The following PPP2R5E variants were observed in gnomAD, a reference collection of about 807,000 sequenced individuals.
PPP2R5E encodes the protein serine/threonine-protein phosphatase 2A 56 kDa regulatory subunit epsilon isoform.
A neutral mutation model predicts 65.3 loss-of-function variants in PPP2R5E; 4 were observed. The ratio of observed to expected loss-of-function variants is 0.06; its 90% CI spans 0.03 to 0.14. The LOEUF is 0.14. Among genes scored for constraint, PPP2R5E ranks in the 10% least tolerant of loss-of-function variants. PPP2R5E has a pLI of 1.00. For synonymous variants in PPP2R5E, 183 were observed against 187.4 expected, an observed-to-expected ratio of 0.98 and a Z score of 0.19; for missense variants, 274 against 556.1, an observed-to-expected ratio of 0.49 and a Z score of 5.10.
At chr14:63,524,201 T>G (rs1426929693) in intron 2 of PPP2R5E, among the ~76,000 whole-genome samples, 1 of 152,230 alleles carries the variant, frequency 6.6e-6, no homozygotes, top group African/African-American at 2.4e-5. Context: ...TAAATTAAAA[T>G]TTAACGTCAC....
chr14:63,430,294 ACT>A, intron 3 of PPP2R5E, among the ~76,000 whole-genome samples: 1 of 152,030 alleles, frequency 6.6e-6, no homozygotes, highest in Admixed American at 6.6e-5. Context: ...CGGGAGGATC[ACT>A]TGTGGCTAGG....
chr14:63,541,307 TG>T (rs749898952), intron 1 of PPP2R5E, among the ~76,000 whole-genome samples: 5 of 152,236 alleles, frequency 3.3e-5, no homozygotes, highest in Non-Finnish European at 5.9e-5. Flanking sequence ...AAAGTTGAAC[TG>T]AAAACATAAA....
intron 2 of PPP2R5E, among the ~76,000 whole-genome samples, chr14:63,486,293 TACACACACACACAC>T (rs374427574): frequency 7.8e-6 from 1 of 127,956 alleles, no homozygotes; most frequent in Admixed American, 7.8e-5. Context: ...CTTTCCCCAT[TACACACACACACAC>T]ACACACACAC....
chr14:63,456,308 T>C (rs17101183), intron 2 of PPP2R5E, among the ~76,000 whole-genome samples: 1 of 152,194 alleles, frequency 6.6e-6, no homozygotes, highest in African/African-American at 2.4e-5. Context: ...ACTGCAATAG[T>C]ACTCAAGAGA....
chr14:63,482,474 CAAA>C (rs895861399), intron 2 of PPP2R5E, among the ~76,000 whole-genome samples: 2 of 151,416 alleles, frequency 1.3e-5, no homozygotes, highest in African/African-American at 2.4e-5. Flanking sequence ...ACAACAACAA[CAAA>C]AAAAAACTGT....
intron 2 of PPP2R5E, among the ~76,000 whole-genome samples, chr14:63,535,300 C>T (rs965741310): frequency 2.0e-5 from 3 of 151,888 alleles, no homozygotes; most frequent in African/African-American, 7.3e-5. Context: ...TGGGCACCTG[C>T]AATCCCAGCT....
At chr14:63,417,792 G>T (rs933676336) in intron 4 of PPP2R5E, among the ~76,000 whole-genome samples, 1 of 152,090 alleles carries the variant, frequency 6.6e-6, no homozygotes, top group Non-Finnish European at 1.5e-5. Flanking sequence ...TCTCGTTAAG[G>T]TAGCAGCAAT....
rs1483541093 is a variant in PPP2R5E, at chr14:63,493,627, C to T, written c.158-39742G>A. ...GCTGCTTACACTGTATCCAGTGTGACAAACTGTACTCAAGCTGTTAGTTTT... is the reference window on the plus strand; with the variant it reads ...GCTGCTTACACTGTATCCAGTGTGATAAACTGTACTCAAGCTGTTAGTTTT... On this transcript the variant is annotated intron_variant, in intron 2 of 13. Coordinates refer to ENST00000337537, the MANE Select transcript of PPP2R5E (RefSeq NM_006246.5). 2.0e-5 allele frequency among the ~76,000 whole-genome samples: 3 copies of T among 149,896 alleles called. 1 individual carries two copies. The highest frequency in any genetic ancestry group is 6.6e-5 in the Admixed American group (1 of 15,176).
At chr14:63,476,875 G>A (rs1323480664) in intron 2 of PPP2R5E, among the ~76,000 whole-genome samples, 1 of 152,138 alleles carries the variant, frequency 6.6e-6, no homozygotes, top group African/African-American at 2.4e-5. Context: ...TACCTGACTA[G>A]TGTCCACTAA....
intron 2 of PPP2R5E, among the ~76,000 whole-genome samples, chr14:63,535,829 G>C (rs761182156): frequency 1.2e-4 from 18 of 152,056 alleles, no homozygotes; most frequent in Non-Finnish European, 2.2e-4. Flanking sequence ...ACTACCCTTA[G>C]CATGCATATA....
chr14:63,394,343 C>T (rs1885207729), intron 7 of PPP2R5E, among the ~76,000 whole-genome samples: 1 of 152,060 alleles, frequency 6.6e-6, no homozygotes, highest in Non-Finnish European at 1.5e-5. Context: ...CCTTGGCCTC[C>T]CAAAGTGCTG....
At chr14:63,517,803 C>T (rs1892724780) in intron 2 of PPP2R5E, among the ~76,000 whole-genome samples, 1 of 152,104 alleles carries the variant, frequency 6.6e-6, no homozygotes, top group Non-Finnish European at 1.5e-5. Flanking sequence ...ACCATAACAC[C>T]ACCGATGTTA....
intron 2 of PPP2R5E, among the ~76,000 whole-genome samples, chr14:63,536,770 C>CA (rs1893681249): frequency 6.6e-6 from 1 of 152,092 alleles, no homozygotes; most frequent in African/African-American, 2.4e-5. Flanking sequence ...AAGCCAGTCA[C>CA]AAAAAGACAA....
intron 3 of PPP2R5E, among the ~76,000 whole-genome samples, chr14:63,436,012 A>T (rs2139415216): frequency 6.6e-6 from 1 of 152,326 alleles, no homozygotes; most frequent in South Asian, 2.1e-4. Flanking sequence ...CTGTGTATAA[A>T]TCAGTGCAGG....
At chr14:63,490,311 C>T (rs906207144) in intron 2 of PPP2R5E, among the ~76,000 whole-genome samples, 2 of 151,976 alleles carry the variant, frequency 1.3e-5, no homozygotes, top group Non-Finnish European at 2.9e-5. Context: ...AATGTAAGAT[C>T]TCAAAACTAT....
chr14:63,449,498 G>C (rs1184243569), intron 3 of PPP2R5E, among the ~76,000 whole-genome samples: 1 of 152,192 alleles, frequency 6.6e-6, no homozygotes, highest in Non-Finnish European at 1.5e-5. Context: ...CACAAATTAG[G>C]AAAGTGACCA....
intron 2 of PPP2R5E, among the ~76,000 whole-genome samples, chr14:63,478,815 A>T (rs1020498000): frequency 4.6e-5 from 7 of 152,076 alleles, no homozygotes; most frequent in African/African-American, 1.4e-4. Context: ...CTAGATGCCA[A>T]TCTCCTTCTC....
At chr14:63,541,426 A>C (rs1893900941) in intron 1 of PPP2R5E, among the ~76,000 whole-genome samples, 1 of 152,228 alleles carries the variant, frequency 6.6e-6, no homozygotes, top group Non-Finnish European at 1.5e-5. Context: ...ACTGAATAGC[A>C]CTTTTGAATT....
chr14:63,466,101 G>A (rs763604522), intron 2 of PPP2R5E, among the ~76,000 whole-genome samples: 7 of 151,924 alleles, frequency 4.6e-5, no homozygotes, highest in Non-Finnish European at 7.4e-5. Context: ...ACTTCTAAAG[G>A]GGATAAAATG....
Sources: allele counts gnomAD v4.1 joint callset (sites outside exome capture counted in the v4.1 genomes callset), GRCh38; gene constraint gnomAD v4.1.1; transcripts MANE v1.5; gene names NCBI Gene and HGNC (gene_info 2026-07-23, HGNC 2026-07-21).